The following PHF24 variants were observed in gnomAD, a reference collection of about 807,000 sequenced individuals.
The protein encoded by PHF24 is PHD finger protein 24, also known as Galpha inhibitory interacting protein.
A neutral mutation model predicts 42.6 loss-of-function variants in PHF24; 25 were observed. The ratio of observed to expected loss-of-function variants is 0.59; its 90% CI spans 0.43 to 0.82. The LOEUF is 0.82. Ranked by LOEUF, PHF24 falls within the 40% of genes least tolerant of loss-of-function variation. The pLI, the probability that PHF24 is intolerant of heterozygous loss-of-function variation, is 0.00. For missense variants in PHF24, 470 were observed against 538.1 expected (o/e 0.87, Z 1.25); for synonymous variants, 185 against 204.8 (o/e 0.90, Z 0.83).
chr9:34,689,783 G>A, the PHF24 span: 6 of 1,613,392 alleles, frequency 3.7e-6, no homozygotes, highest in Non-Finnish European at 5.1e-6. The surrounding 1 kb of genome is among the most constrained non-coding windows in gnomAD (Gnocchi z 4.1). Context: ...CACAATGCTT[G>A]ACTCGGACTC....
the PHF24 span, among the ~76,000 whole-genome samples, chr9:34,770,835 C>A: frequency 1.3e-5 from 2 of 151,346 alleles, no homozygotes; most frequent in East Asian, 3.9e-4. Context: ...TTATTGTGGC[C>A]GGGCATGGTG....
the PHF24 span, among the ~76,000 whole-genome samples, chr9:34,693,150 T>G: frequency 6.6e-6 from 1 of 152,172 alleles, no homozygotes; most frequent in Non-Finnish European, 1.5e-5. Flanking sequence ...CATCCACCCC[T>G]CTTTCCATTG....
At chr9:34,724,185 G>T in the PHF24 span, 2 of 1,551,406 alleles carry the variant, frequency 1.3e-6, no homozygotes, top group Admixed American at 3.9e-5. Context: ...TCCAGGCTGG[G>T]TTTGTTCACA....
At chr9:34,799,598 G>A in the PHF24 span, among the ~76,000 whole-genome samples, 2 of 152,018 alleles carry the variant, frequency 1.3e-5, no homozygotes, top group African/African-American at 4.8e-5. Flanking sequence ...CTTTTTTGCT[G>A]TTCAATCAGA....
chr9:34,890,128 G>A, the PHF24 span, among the ~76,000 whole-genome samples: 1 of 152,150 alleles, frequency 6.6e-6, no homozygotes, highest in Non-Finnish European at 1.5e-5. Flanking sequence ...CTAAACTAAA[G>A]TTTTACCTAA....
the PHF24 span, among the ~76,000 whole-genome samples, chr9:34,730,496 G>C: frequency 6.6e-6 from 1 of 152,174 alleles, no homozygotes; most frequent in Admixed American, 6.5e-5. Flanking sequence ...CAGCAGATGT[G>C]GTAAGCACCC....
the PHF24 span, among the ~76,000 whole-genome samples, chr9:34,700,210 G>A: frequency 3.9e-5 from 6 of 152,196 alleles, no homozygotes; most frequent in South Asian, 2.1e-4. Flanking sequence ...GTTATATTCC[G>A]CGGAGTGAGA....
the PHF24 span, among the ~76,000 whole-genome samples, chr9:34,865,599 A>G: frequency 2.6e-5 from 4 of 152,142 alleles, no homozygotes; most frequent in Non-Finnish European, 4.4e-5. Flanking sequence ...AATAAAAAAA[A>G]TAAATGAAAG....
At chr9:34,711,823 A>G in the PHF24 span, among the ~76,000 whole-genome samples, 1 of 152,136 alleles carries the variant, frequency 6.6e-6, no homozygotes, top group African/African-American at 2.4e-5. Flanking sequence ...GATTACAGAC[A>G]TGAGCCACTG....
At chr9:34,893,211 G>A in the PHF24 span, 1 of 470,886 alleles carries the variant, frequency 2.1e-6, no homozygotes, top group African/African-American at 2.0e-5. Context: ...TCTCGGAAAA[G>A]TGTGGGCCGG....
the PHF24 span, among the ~76,000 whole-genome samples, chr9:34,888,352 T>C: frequency 6.6e-6 from 1 of 152,334 alleles, no homozygotes; most frequent in South Asian, 2.1e-4. Context: ...CCTGGCATAG[T>C]GCCTGCCACA....
the PHF24 span, chr9:34,726,555 T>G: frequency 1.1e-4 from 169 of 1,551,952 alleles, no homozygotes; most frequent in Admixed American, 1.4e-3. Flanking sequence ...AGTGGAGCCC[T>G]TGGCTTCTCA....
chr9:34,900,763 A>G, the PHF24 span, among the ~76,000 whole-genome samples: 2 of 152,224 alleles, frequency 1.3e-5, no homozygotes, highest in Non-Finnish European at 2.9e-5. Flanking sequence ...GTTTTAGATC[A>G]TGAGAACAGA....
the PHF24 span, among the ~76,000 whole-genome samples, chr9:34,678,509 A>G: frequency 1.3e-5 from 2 of 151,738 alleles, no homozygotes; most frequent in Non-Finnish European, 1.5e-5. Flanking sequence ...TAATTTTTGT[A>G]TATTTAGTAG....
the PHF24 span, among the ~76,000 whole-genome samples, chr9:34,740,082 T>C: frequency 6.6e-6 from 1 of 152,156 alleles, no homozygotes; most frequent in South Asian, 2.1e-4. Flanking sequence ...TTGAACTAGA[T>C]ACGGAGTGCC....
the PHF24 span, among the ~76,000 whole-genome samples, chr9:34,952,141 T>A: frequency 2.0e-5 from 3 of 152,250 alleles, no homozygotes; most frequent in East Asian, 5.8e-4. Flanking sequence ...GAAAACACAT[T>A]TTGTCTGCAT....
the PHF24 span, among the ~76,000 whole-genome samples, chr9:34,909,626 T>G: frequency 4.3e-4 from 61 of 142,176 alleles, no homozygotes; most frequent in African/African-American, 1.2e-3. Context: ...AAGAAATCCT[T>G]TTTTTTTTTT....
At chr9:34,976,876 G>A in intron 5 of PHF24, 136 bp downstream of exon 5, 1 of 910,930 alleles carries the variant, frequency 1.1e-6, no homozygotes, top group East Asian at 2.6e-5. Context: ...GTTCCATCCA[G>A]TGACAGATGA....
chr9:34,692,491 T>G, the PHF24 span, among the ~76,000 whole-genome samples: 1 of 152,106 alleles, frequency 6.6e-6, no homozygotes, highest in Non-Finnish European at 1.5e-5. Context: ...TTTGCAGTCT[T>G]TACCTCCACT....
Sources: allele counts gnomAD v4.1 joint callset (sites outside exome capture counted in the v4.1 genomes callset), GRCh38; gene constraint gnomAD v4.1.1; non-coding constraint Gnocchi (gnomAD v3.1); transcripts MANE v1.5; gene names NCBI Gene and HGNC (gene_info 2026-07-23, HGNC 2026-07-21).